Variants in HNF4A observed in about 807,000 individuals in gnomAD.
HNF4A encodes hepatocyte nuclear factor 4 alpha, also known as hepatocyte nuclear factor 4-alpha.
In HNF4A, 15 loss-of-function variants were observed where a neutral mutation model predicts 52.4. The ratio of observed to expected loss-of-function variants is 0.29; its 90% confidence interval spans 0.19 to 0.44. The LOEUF (loss-of-function observed/expected upper bound fraction) is 0.44. HNF4A is among the 20% of genes least tolerant of loss of function. The pLI is 1.00. For synonymous variants in HNF4A, 280 were observed against 264.4 expected, an observed-to-expected ratio of 1.06 and a Z score of -0.57; for missense variants, 479 against 647.2, an observed-to-expected ratio of 0.74 and a Z score of 2.82.
At chr20:44,360,917 A>G (rs1169265522) in intron 1 of HNF4A, among the ~76,000 whole-genome samples, 8 of 152,170 alleles carry the variant, frequency 5.3e-5, no homozygotes, top group Admixed American at 3.9e-4. Flanking sequence ...TGAAGATTCC[A>G]TGAGCTAATG....
intron 1 of HNF4A, among the ~76,000 whole-genome samples, chr20:44,374,184 A>G (rs1434938158): frequency 3.3e-5 from 5 of 152,084 alleles, no homozygotes; most frequent in Admixed American, 6.6e-5. Context: ...CTTGATGTCA[A>G]CGTGTACCCA....
intron 1 of HNF4A, among the ~76,000 whole-genome samples, chr20:44,385,394 C>T (rs2063210577): frequency 6.6e-6 from 1 of 151,900 alleles, no homozygotes; most frequent in African/African-American, 2.4e-5. Context: ...GGCTGATTTG[C>T]TTGAGGCTGG....
intron 1 of HNF4A, among the ~76,000 whole-genome samples, chr20:44,364,224 A>G (rs1277581391): frequency 1.3e-5 from 2 of 151,774 alleles, no homozygotes; most frequent in Non-Finnish European, 2.9e-5. Flanking sequence ...ATTTTATTTT[A>G]GAGACAGGGG....
At chr20:44,362,418 TAAAAA>T (rs36103037) in intron 1 of HNF4A, among the ~76,000 whole-genome samples, 1 of 104,172 alleles carries the variant, frequency 9.6e-6, no homozygotes. Context: ...AAACTTGTCT[TAAAAA>T]AAAAAAAAAA....
chr20:44,380,987 A>G (rs1181049588), intron 1 of HNF4A, among the ~76,000 whole-genome samples: 1 of 152,212 alleles, frequency 6.6e-6, no homozygotes, highest in Non-Finnish European at 1.5e-5. Flanking sequence ...TTTCCCAAAC[A>G]TGAATTTGGT....
intron 3 of HNF4A, among the ~76,000 whole-genome samples, chr20:44,411,913 C>T (rs1008812068): frequency 6.6e-6 from 1 of 151,628 alleles, no homozygotes; most frequent in South Asian, 2.1e-4. Context: ...AAAATTTAGC[C>T]AGGCGTGGTG....
intron 8 of HNF4A, chr20:44,424,482 GC>G: frequency 1.0e-6 from 1 of 984,656 alleles, no homozygotes; most frequent in Non-Finnish European, 1.5e-6. Flanking sequence ...TGTTCTAAGT[GC>G]TGGCAATTCA....
intron 1 of HNF4A, among the ~76,000 whole-genome samples, chr20:44,390,862 G>A (rs1162745076): frequency 6.6e-6 from 1 of 152,150 alleles, no homozygotes; most frequent in African/African-American, 2.4e-5. Flanking sequence ...GGAGAATCCA[G>A]ACGACCTCAA....
intron 1 of HNF4A, among the ~76,000 whole-genome samples, chr20:44,374,683 C>G (rs2063067358): frequency 6.6e-6 from 1 of 152,138 alleles, no homozygotes. Flanking sequence ...AGGTTGGTCT[C>G]GAACTCCTGA....
intron 1 of HNF4A, among the ~76,000 whole-genome samples, chr20:44,378,833 C>T (rs1025996641): frequency 2.0e-5 from 3 of 151,086 alleles, no homozygotes; most frequent in East Asian, 2.0e-4. Flanking sequence ...GCAGGAGACT[C>T]GCTTGAACCC....
At chr20:44,368,854 T>C (rs1194635489) in intron 1 of HNF4A, among the ~76,000 whole-genome samples, 1 of 152,196 alleles carries the variant, frequency 6.6e-6, no homozygotes, top group Non-Finnish European at 1.5e-5. Context: ...TATAGTTGTA[T>C]AGGATCTTTC....
intron 1 of HNF4A, among the ~76,000 whole-genome samples, chr20:44,365,994 G>A (rs2062966551): frequency 1.3e-5 from 2 of 152,094 alleles, no homozygotes; most frequent in Non-Finnish European, 1.5e-5. Context: ...GTGACACAGC[G>A]TAATCCTAGT....
intron 1 of HNF4A, among the ~76,000 whole-genome samples, chr20:44,365,905 G>A (rs11696456): frequency 0.17 from 26,425 of 152,032 alleles, 2,550 homozygotes; most frequent in Middle Eastern, 0.26. Flanking sequence ...TACTCGGGAG[G>A]CTGAGGCAAG....
intron 1 of HNF4A, among the ~76,000 whole-genome samples, chr20:44,379,989 C>T (rs147580496): frequency 0.017 from 2,639 of 152,316 alleles, 34 homozygotes; most frequent in Non-Finnish European, 0.028. Flanking sequence ...GCCTTGGCCT[C>T]CCAAAGTGCT....
rs77458942 is a variant in HNF4A at position 44,392,885 on chromosome 20, C to T, written c.50-13173C>T. Among the ~76,000 whole-genome samples the T allele has an allele frequency of 8.3e-3, 1,269 of 152,338 alleles. 4 individuals are homozygous for T. Among genetic ancestry groups the T allele is most frequent in the Non-Finnish European group, 0.014 (928 of 68,032 alleles). ...GGCAGGCAGAGCTCCATGGGCACTTCGCTTGGCAAGTGGAACAAGGGCTGG... is the reference window on the plus strand; with the variant it reads ...GGCAGGCAGAGCTCCATGGGCACTTTGCTTGGCAAGTGGAACAAGGGCTGG... On this transcript the variant is annotated intron_variant, in intron 1 of 9. Coordinates refer to the HNF4A transcript ENST00000316673.
At chr20:44,398,319 A>C (rs1049588605), upstream of HNF4A, among the ~76,000 whole-genome samples, 2 of 152,264 alleles carry the variant, frequency 1.3e-5, no homozygotes, top group Non-Finnish European at 1.5e-5. Flanking sequence ...TTACTGAACT[A>C]TAGGTGCAAG....
chr20:44,363,017 C>T (rs1016548091), intron 1 of HNF4A, among the ~76,000 whole-genome samples: 2 of 145,442 alleles, frequency 1.4e-5, no homozygotes, highest in African/African-American at 4.9e-5. Flanking sequence ...CCATGCCTGG[C>T]TAATTTTTTT....
At chr20:44,402,693 C>A in intron 1 of HNF4A, 1 of 1,162,232 alleles carries the variant, frequency 8.6e-7, no homozygotes, top group Non-Finnish European at 1.2e-6. Context: ...GGAAGAGCCC[C>A]ATCGGTCCCA....
exon 1 of HNF4A, chr20:44,355,778 CA>C (rs2062850390): frequency 1.9e-6 from 3 of 1,612,562 alleles, no homozygotes; most frequent in Non-Finnish European, 2.5e-6. Context: ...TCCATGCCCC[CA>C]GCTCTCCGGC....
Sources: allele counts gnomAD v4.1 joint callset (sites outside exome capture counted in the v4.1 genomes callset), GRCh38; gene constraint gnomAD v4.1.1; transcripts MANE v1.5; gene names NCBI Gene and HGNC (gene_info 2026-07-23, HGNC 2026-07-21).